Variants in DOT1L observed in about 807,000 individuals in gnomAD.
DOT1L encodes DOT1 like histone lysine methyltransferase.
Under a neutral mutation model 153.3 loss-of-function variants are expected in DOT1L, and 33 were observed. The ratio of observed to expected loss-of-function variants is 0.22; its 90% confidence interval spans 0.16 to 0.29. DOT1L has a LOEUF of 0.29. DOT1L is among the 10% of genes least tolerant of loss of function. The pLI, the probability that DOT1L is intolerant of heterozygous loss-of-function variation, is 1.00. For synonymous variants in DOT1L, 1,135 were observed against 965.1 expected, an observed-to-expected ratio of 1.18 and a Z score of -3.26; for missense variants, 1,847 against 2,119.9, an observed-to-expected ratio of 0.87 and a Z score of 2.53.
At chr19:2,178,403 C>T (rs1440970219) in intron 1 of DOT1L, among the ~76,000 whole-genome samples, 3 of 149,164 alleles carry the variant, frequency 2.0e-5, no homozygotes, top group African/African-American at 7.4e-5. Flanking sequence ...CCAAAACACA[C>T]TTCACTTTGA....
Position 2,208,793 on chromosome 19 carries a change from C to A in DOT1L, c.964-142C>A. The A allele has an allele frequency of 1.2e-6, 1 of 832,248 alleles. No individual in the cohort carries two copies. The allele number at this position is 832,248 out of a possible 1,614,324, so 51.6% of individuals were successfully genotyped here. A position where few individuals can be genotyped will look rare whatever the true frequency, so the allele number is the denominator to read the frequency against. On this transcript the variant is annotated intron_variant, in intron 11 of 27. Transcript: ENST00000398665. The surrounding 1 kb of genome is among the most constrained non-coding windows in gnomAD (Gnocchi z 4.4). Reference sequence around the variant, plus strand: ...CATCCGCGTTTGCCACTGGGGGGCTCTAGCTGCATGCCTGCTGTCCCCAGA... The same window carrying A: ...CATCCGCGTTTGCCACTGGGGGGCTATAGCTGCATGCCTGCTGTCCCCAGA...
intron 1 of DOT1L, among the ~76,000 whole-genome samples, chr19:2,170,834 A>G (rs892525719): frequency 6.6e-6 from 1 of 152,068 alleles, no homozygotes; most frequent in African/African-American, 2.4e-5. Context: ...AGGGCAAGGC[A>G]TGGGGGAAGG....
intron 1 of DOT1L, among the ~76,000 whole-genome samples, chr19:2,176,610 C>T (rs12461475): frequency 0.072 from 10,988 of 152,276 alleles, 664 homozygotes; most frequent in African/African-American, 0.16. Flanking sequence ...GTAAGGCCTG[C>T]GCCTGTGAGA....
At position 2,226,842 on chromosome 19, in the gene DOT1L, G is replaced by A. The variant is rs1479551871; in HGVS notation, c.4321G>A (p.Gly1441Ser). The change falls in exon 27 of 28, where the codon GGC becomes AGC. Residue 1441 changes from glycine to serine, a missense_variant. Around this residue, in one of 8 missense-constraint regions of DOT1L, gnomAD observed 934 missense variants for 825.3 expected, o/e 1.13. Transcript: ENST00000398665. ...AAVPPGSLLS[G>S]PGLAPAASSA... Reference sequence around the variant, plus strand: ...CGTGCCTCCCGGAAGCCTCCTCAGCGGCCCCGGCCTGGCCCCGGCGGCGTC... The same window carrying A: ...CGTGCCTCCCGGAAGCCTCCTCAGCAGCCCCGGCCTGGCCCCGGCGGCGTC... The A allele has an allele frequency of 6.3e-7, 1 of 1,578,896 alleles. No homozygotes were observed. Among genetic ancestry groups the A allele is most frequent in the Non-Finnish European group, 8.5e-7 (1 of 1,171,190 alleles).
At chr19:2,206,172 A>AT (rs1239939306) in intron 9 of DOT1L, among the ~76,000 whole-genome samples, 1 of 150,836 alleles carries the variant, frequency 6.6e-6, no homozygotes, top group African/African-American at 2.4e-5. Flanking sequence ...TAGTTTTTGT[A>AT]TTTTTTTAGT....
rs1323372545 is a variant in DOT1L at position 2,197,947 on chromosome 19, C to T, written c.652-1937C>T. Among the ~76,000 whole-genome samples the T allele has an allele frequency of 6.6e-6, 1 of 152,190 alleles. No homozygotes were observed. The highest frequency in any genetic ancestry group is 1.5e-5 in the Non-Finnish European group (1 of 68,028). ...CTCGGAGCAACTCTCTGTGGCTTTG[C>T]CTGTGCTCCACTTGGGAGGCTCCAA... On this transcript the variant is annotated intron_variant, in intron 7 of 27. Coordinates refer to ENST00000398665, the MANE Select transcript of DOT1L (RefSeq NM_032482.3). This position sits in a 1 kb window ranked among gnomAD's most constrained non-coding sequence, Gnocchi z 4.1.
intron 19 of DOT1L, chr19:2,214,835 C>T (rs892682598): frequency 1.2e-5 from 6 of 495,428 alleles, no homozygotes; most frequent in South Asian, 7.0e-5. Context: ...TGGCTGAATG[C>T]GCAGCGCTAA....
At chr19:2,216,131 C>T (rs1017015466) in intron 19 of DOT1L, 150 bp from the exon 20 acceptor site, 17 of 1,199,542 alleles carry the variant, frequency 1.4e-5, no homozygotes, top group East Asian at 1.2e-4. Flanking sequence ...TTCCCGACCC[C>T]GCCTCTATGT....
intron 3 of DOT1L, among the ~76,000 whole-genome samples, chr19:2,186,755 G>A (rs1599553783): frequency 2.0e-5 from 3 of 152,358 alleles, no homozygotes; most frequent in East Asian, 1.9e-4. Flanking sequence ...AGGCAGACAA[G>A]CGTGTTGCTG....
chr19:2,175,503 A>G (rs1431578580), intron 1 of DOT1L, among the ~76,000 whole-genome samples: 1 of 152,046 alleles, frequency 6.6e-6, no homozygotes, highest in Non-Finnish European at 1.5e-5. Context: ...AACCAAGTAT[A>G]ACTGGAATAT....
chr19:2,177,087 C>T (rs781128440), intron 1 of DOT1L, among the ~76,000 whole-genome samples: 14 of 152,310 alleles, frequency 9.2e-5, no homozygotes, highest in South Asian at 2.1e-4. Context: ...TGCAACATCC[C>T]GCAGCAGTCT....
chr19:2,183,132 C>G (rs1287149189), intron 2 of DOT1L, among the ~76,000 whole-genome samples: 2 of 152,188 alleles, frequency 1.3e-5, no homozygotes, highest in African/African-American at 4.8e-5. Flanking sequence ...AAACACCATT[C>G]AGTCCCCATA....
intron 22 of DOT1L, among the ~76,000 whole-genome samples, chr19:2,218,502 T>C (rs2023987254): frequency 6.6e-6 from 1 of 151,698 alleles, no homozygotes. Context: ...CACGCCATTC[T>C]CCTGCCTCAG....
intron 16 of DOT1L, chr19:2,213,308 G>T (rs1462617269): frequency 6.2e-6 from 3 of 484,798 alleles, no homozygotes; most frequent in Non-Finnish European, 1.1e-5. Flanking sequence ...GGGGTGGCAG[G>T]TGCAGTCCCT....
chr19:2,169,977 C>G (rs755750572), intron 1 of DOT1L, among the ~76,000 whole-genome samples: 18 of 152,190 alleles, frequency 1.2e-4, no homozygotes, highest in Non-Finnish European at 2.5e-4. Context: ...GCCAACATGA[C>G]GAAACCCCGT....
intron 2 of DOT1L, among the ~76,000 whole-genome samples, chr19:2,185,483 G>A (rs748452851): frequency 3.9e-5 from 6 of 152,134 alleles, no homozygotes; most frequent in African/African-American, 9.7e-5. Context: ...AAGAACATGC[G>A]GGGTAATACT....
Position 2,190,075 on chromosome 19 carries a change from G to C in DOT1L, c.264+280G>C, listed in dbSNP as rs534414260. ...TGTCTGCACACGCCTCTGCAGCCCTGGGTTGGTGTCCGCAGGTCCCAGCAG... is the reference window on the plus strand; with the variant it reads ...TGTCTGCACACGCCTCTGCAGCCCTCGGTTGGTGTCCGCAGGTCCCAGCAG... On this transcript the variant is annotated intron_variant, in intron 4 of 27. Coordinates refer to ENST00000398665, the MANE Select transcript of DOT1L (RefSeq NM_032482.3). The surrounding 1 kb of genome is among the most constrained non-coding windows in gnomAD (Gnocchi z 4.8). 6.6e-6 allele frequency among the ~76,000 whole-genome samples: 1 copy of C among 152,286 alleles called. No homozygotes were observed. The highest frequency in any genetic ancestry group is 6.5e-5 in the Admixed American group (1 of 15,306).
intron 19 of DOT1L, chr19:2,215,844 ATG>A (rs2023878193): frequency 6.4e-6 from 1 of 157,132 alleles, no homozygotes; most frequent in African/African-American, 2.4e-5. Flanking sequence ...TAAAAAAACA[ATG>A]TGTTTGTTAA....
Position 2,193,444 on chromosome 19 carries a change from G to A in DOT1L, c.494-245G>A, listed in dbSNP as rs1281893420. ...ACTCAAAATGGATTCTGGTTTCGGG[G>A]GCCACCAAGTGATGTCCATGGATGA... On this transcript the variant is annotated intron_variant, in intron 5 of 27. Coordinates refer to ENST00000398665, the MANE Select transcript of DOT1L (RefSeq NM_032482.3). The surrounding 1 kb of genome is among the most constrained non-coding windows in gnomAD (Gnocchi z 5.9). Among the ~76,000 whole-genome samples, 1 of 152,146 alleles carries A rather than the reference G, an allele frequency of 6.6e-6. No individual in the cohort carries two copies. The highest frequency in any genetic ancestry group is 1.5e-5 in the Non-Finnish European group (1 of 68,024).
Sources: gnomAD v4.1 joint callset for allele counts (sites outside exome capture counted in the v4.1 genomes callset) on GRCh38, gnomAD v4.1.1 for gene constraint, gnomAD v4.1.1 regional missense constraint, Gnocchi (gnomAD v3.1) non-coding constraint, MANE v1.5 for transcripts, NCBI Gene and HGNC (gene_info 2026-07-23, HGNC 2026-07-21) for gene names.